AMD1: variants seen among roughly 807,000 people sequenced by gnomAD.
AMD1 encodes the protein adenosylmethionine decarboxylase 1, also known as S-adenosylmethionine decarboxylase proenzyme.
A neutral mutation model predicts 40.2 loss-of-function variants in AMD1; 11 were observed. That is an observed-to-expected ratio of 0.27 (90% CI 0.17 to 0.45). The LOEUF (loss-of-function observed/expected upper bound fraction) is 0.45, where lower values mean the gene tolerates loss of function less well. Ranked by LOEUF, AMD1 falls within the 20% of genes least tolerant of loss-of-function variation. The pLI is 1.00. For synonymous variants in AMD1, 121 were observed against 130.8 expected, an observed-to-expected ratio of 0.93 and a Z score of 0.51; for missense variants, 257 against 410.2, an observed-to-expected ratio of 0.63 and a Z score of 3.23.
At chr6:110,818,070 A>C in the AMD1 span, among the ~76,000 whole-genome samples, 1 of 152,244 alleles carries the variant, frequency 6.6e-6, no homozygotes, top group African/African-American at 2.4e-5. Flanking sequence ...AAAATACTAA[A>C]CAGATAAGCA....
chr6:110,874,080 G>A (rs1018192082), upstream of AMD1, among the ~76,000 whole-genome samples: 4 of 152,256 alleles, frequency 2.6e-5, no homozygotes, highest in East Asian at 7.7e-4. Flanking sequence ...GAGCCACACG[G>A]TGGGAGGTGG....
the AMD1 span, among the ~76,000 whole-genome samples, chr6:110,844,996 C>T: frequency 6.7e-6 from 1 of 149,226 alleles, no homozygotes; most frequent in African/African-American, 2.5e-5. Context: ...AGAGAGAAAG[C>T]AAGCGCAAGC....
At chr6:110,825,958 G>A in the AMD1 span, among the ~76,000 whole-genome samples, 1 of 151,868 alleles carries the variant, frequency 6.6e-6, no homozygotes, top group African/African-American at 2.4e-5. Flanking sequence ...GCTTGAGACG[G>A]GAGTTTGAGA....
Position 110,875,006 on chromosome 6 carries a change from C to A in AMD1, c.-100C>A. The A allele has an allele frequency of 8.5e-6, 7 of 819,940 alleles. No homozygotes were observed. Among genetic ancestry groups the A allele is most frequent in the Admixed American group, 5.3e-5 (2 of 37,896 alleles). 50.8% of individuals were successfully genotyped at this position (819,940 alleles called of 1,614,324 possible). On this transcript the variant is annotated 5_prime_UTR_variant, in exon 1 of 9. Coordinates refer to ENST00000368885, the MANE Select transcript of AMD1 (RefSeq NM_001634.6). ...AAAAAAGGAACCTGAACTTTAGTAACACAGCTGGAACAATCCGCAGCGGCG... is the reference window on the plus strand; with the variant it reads ...AAAAAAGGAACCTGAACTTTAGTAAAACAGCTGGAACAATCCGCAGCGGCG...
At chr6:110,877,444 C>G (rs1479177212) in intron 1 of AMD1, among the ~76,000 whole-genome samples, 1 of 152,256 alleles carries the variant, frequency 6.6e-6, no homozygotes, top group Non-Finnish European at 1.5e-5. Flanking sequence ...GTATCATGGA[C>G]GGAGTCCGGT....
the AMD1 span, among the ~76,000 whole-genome samples, chr6:110,835,482 T>C: frequency 6.6e-6 from 1 of 152,196 alleles, no homozygotes; most frequent in East Asian, 1.9e-4. Context: ...TTTTCTTAAT[T>C]TGTAGCATCA....
the AMD1 span, among the ~76,000 whole-genome samples, chr6:110,826,966 ACAGGCCTGAGC>A: frequency 6.6e-6 from 1 of 152,140 alleles, no homozygotes. Flanking sequence ...TGCTGGGATT[ACAGGCCTGAGC>A]CACTGCACCA....
At chr6:110,826,551 T>C in the AMD1 span, among the ~76,000 whole-genome samples, 1 of 152,282 alleles carries the variant, frequency 6.6e-6, no homozygotes, top group Non-Finnish European at 1.5e-5. Flanking sequence ...AGAATCCTTC[T>C]GTGCAGATTC....
chr6:110,820,362 A>G, the AMD1 span, among the ~76,000 whole-genome samples: 2 of 150,592 alleles, frequency 1.3e-5, no homozygotes, highest in South Asian at 4.2e-4. Flanking sequence ...TCAGCCTCCC[A>G]GGTAGCTGGG....
the AMD1 span, among the ~76,000 whole-genome samples, chr6:110,860,373 G>C: frequency 1.3e-5 from 2 of 152,128 alleles, no homozygotes; most frequent in African/African-American, 4.8e-5. Context: ...ATAGTTTATT[G>C]TTCCAATTAT....
At chr6:110,866,010 G>A in the AMD1 span, among the ~76,000 whole-genome samples, 7 of 150,890 alleles carry the variant, frequency 4.6e-5, no homozygotes, top group Admixed American at 2.0e-4. Context: ...TGATCTGCCC[G>A]CCTCGGCCTC....
the AMD1 span, chr6:110,815,399 T>A: frequency 3.1e-6 from 1 of 320,270 alleles, no homozygotes; most frequent in South Asian, 8.9e-5. Context: ...CCCGCCTCCC[T>A]CCTTCATTTC....
chr6:110,866,905 C>T, the AMD1 span, among the ~76,000 whole-genome samples: 1 of 151,978 alleles, frequency 6.6e-6, no homozygotes, highest in Non-Finnish European at 1.5e-5. Flanking sequence ...CCTCCGCCTC[C>T]CCGGTTCAAG....
the AMD1 span, among the ~76,000 whole-genome samples, chr6:110,855,627 C>G: frequency 6.6e-6 from 1 of 152,134 alleles, no homozygotes; most frequent in African/African-American, 2.4e-5. Flanking sequence ...CCCTATTTCC[C>G]TGCTCCCGAC....
At chr6:110,888,751 T>C in intron 2 of AMD1, 106 bp from the exon 3 acceptor site, 1 of 1,129,676 alleles carries the variant, frequency 8.9e-7, no homozygotes. Flanking sequence ...GAGATCCTAA[T>C]ATTTAAAAGT....
At chr6:110,884,222 G>A (rs1412493746) in intron 1 of AMD1, among the ~76,000 whole-genome samples, 1 of 152,190 alleles carries the variant, frequency 6.6e-6, no homozygotes, top group African/African-American at 2.4e-5. Flanking sequence ...GTAAAAACTT[G>A]AAGCCTAAAC....
the AMD1 span, among the ~76,000 whole-genome samples, chr6:110,843,210 C>T: frequency 1.3e-5 from 2 of 151,864 alleles, no homozygotes; most frequent in Admixed American, 1.3e-4. Context: ...CGCCTGAAAT[C>T]GCAGCACTTT....
At chr6:110,886,081 C>T (rs1334563678) in intron 1 of AMD1, among the ~76,000 whole-genome samples, 1 of 151,928 alleles carries the variant, frequency 6.6e-6, no homozygotes, top group Non-Finnish European at 1.5e-5. Context: ...ATGGTGAAAC[C>T]CTGTCGCCAC....
chr6:110,869,788 C>T (rs576171847), upstream of AMD1, among the ~76,000 whole-genome samples: 56 of 152,310 alleles, frequency 3.7e-4, no homozygotes, highest in South Asian at 0.011. Flanking sequence ...GGATTACAGG[C>T]GTGAGCCACC....
Sources: gnomAD v4.1 joint callset for allele counts (sites outside exome capture counted in the v4.1 genomes callset) on GRCh38, gnomAD v4.1.1 for gene constraint, MANE v1.5 for transcripts, NCBI Gene and HGNC (gene_info 2026-07-23, HGNC 2026-07-21) for gene names.